The following TENM3 variants were observed in gnomAD, a reference collection of about 807,000 sequenced individuals.
The protein encoded by TENM3 is teneurin transmembrane protein 3.
TENM3 carries 63 observed loss-of-function variants against 255.1 expected under a neutral mutation model. The observed-to-expected ratio is 0.25, with a 90% confidence interval of 0.20 to 0.30. TENM3 has a LOEUF of 0.30. TENM3 is among the 10% of genes least tolerant of loss of function. The pLI, the probability that TENM3 is intolerant of heterozygous loss-of-function variation, is 1.00. For missense variants in TENM3, 2,929 were observed against 3,461.1 expected, an observed-to-expected ratio of 0.85 and a Z score of 3.86; for synonymous variants, 1,306 against 1,322.3, an observed-to-expected ratio of 0.99 and a Z score of 0.27.
the TENM3 span, among the ~76,000 whole-genome samples, chr4:181,641,512 C>T: frequency 1.6e-5 from 2 of 122,658 alleles, no homozygotes; most frequent in Admixed American, 9.5e-5. Context: ...AGGAAATGAA[C>T]TCATCCTTTT....
the TENM3 span, among the ~76,000 whole-genome samples, chr4:181,474,322 A>T: frequency 2.5e-4 from 38 of 152,206 alleles, no homozygotes; most frequent in Middle Eastern, 3.4e-3. Flanking sequence ...ATGATAAAAA[A>T]TTTTTTTTAA....
the TENM3 span, among the ~76,000 whole-genome samples, chr4:181,591,796 G>C: frequency 6.6e-6 from 1 of 152,156 alleles, no homozygotes; most frequent in Admixed American, 6.5e-5. Flanking sequence ...CCCTACTCCT[G>C]TCTGTGGAAA....
At chr4:181,834,308 A>T in the TENM3 span, among the ~76,000 whole-genome samples, 1 of 152,208 alleles carries the variant, frequency 6.6e-6, no homozygotes, top group Non-Finnish European at 1.5e-5. Context: ...CTAAAGAGAG[A>T]TGCCCAACTT....
At chr4:181,798,337 C>T in the TENM3 span, among the ~76,000 whole-genome samples, 4 of 151,840 alleles carry the variant, frequency 2.6e-5, no homozygotes, top group Non-Finnish European at 2.9e-5. Flanking sequence ...GAGATGGAGT[C>T]TTGCTCTGTC....
At chr4:182,272,019 A>G (rs1759666397) in intron 1 of TENM3, among the ~76,000 whole-genome samples, 1 of 152,210 alleles carries the variant, frequency 6.6e-6, no homozygotes, top group African/African-American at 2.4e-5. Flanking sequence ...GTTTGTCTCC[A>G]CACAGCTCTC....
chr4:182,403,053 G>A (rs928095475), intron 3 of TENM3, among the ~76,000 whole-genome samples: 1 of 152,100 alleles, frequency 6.6e-6, no homozygotes. Context: ...TCTTGCTTTG[G>A]TCACATAGCA....
the TENM3 span, among the ~76,000 whole-genome samples, chr4:181,534,466 T>TCCC: frequency 8.2e-4 from 82 of 100,122 alleles, no homozygotes; most frequent in African/African-American, 3.6e-3. Flanking sequence ...CCTGAGGTCT[T>TCCC]CCCCCCCCCC....
chr4:181,688,624 G>A, the TENM3 span, among the ~76,000 whole-genome samples: 4 of 152,058 alleles, frequency 2.6e-5, no homozygotes, highest in Non-Finnish European at 5.9e-5. Flanking sequence ...ATGTCACTGT[G>A]GTCCACTGAG....
intron 6 of TENM3, among the ~76,000 whole-genome samples, chr4:182,657,507 C>T (rs1753853843): frequency 6.6e-6 from 1 of 152,322 alleles, no homozygotes; most frequent in East Asian, 1.9e-4. Flanking sequence ...ATTCTCTCTT[C>T]AGAATGTCCT....
chr4:182,087,767 G>T, the TENM3 span, among the ~76,000 whole-genome samples: 3 of 152,134 alleles, frequency 2.0e-5, no homozygotes, highest in African/African-American at 7.2e-5. Context: ...CCTATTCAAT[G>T]GCATTTATTC....
the TENM3 span, among the ~76,000 whole-genome samples, chr4:181,842,670 G>T: frequency 6.6e-6 from 1 of 152,124 alleles, no homozygotes; most frequent in Non-Finnish European, 1.5e-5. Context: ...AATTGTTTAT[G>T]GTAGACCAAG....
chr4:182,156,202 AAC>A (rs1274347060), intron 1 of TENM3, among the ~76,000 whole-genome samples: 5 of 152,174 alleles, frequency 3.3e-5, no homozygotes. Flanking sequence ...CAAATGTTAA[AAC>A]ACAACAATTT....
At chr4:182,614,045 C>G (rs1455017886) in intron 4 of TENM3, among the ~76,000 whole-genome samples, 1 of 152,198 alleles carries the variant, frequency 6.6e-6, no homozygotes, top group Non-Finnish European at 1.5e-5. Flanking sequence ...TTATCAGTCT[C>G]ACTAACTCAC....
chr4:181,542,822 TAG>T, the TENM3 span, among the ~76,000 whole-genome samples: 2 of 152,178 alleles, frequency 1.3e-5, no homozygotes, highest in African/African-American at 4.8e-5. Flanking sequence ...CTCCGCATGT[TAG>T]AGTTGGGGTG....
At chr4:182,715,263 C>A (rs932172322) in intron 13 of TENM3, among the ~76,000 whole-genome samples, 1 of 152,190 alleles carries the variant, frequency 6.6e-6, no homozygotes, top group Non-Finnish European at 1.5e-5. Flanking sequence ...TGGACACTTG[C>A]CACGTGTGTT....
chr4:182,107,242 A>T, the TENM3 span, among the ~76,000 whole-genome samples: 1 of 152,062 alleles, frequency 6.6e-6, no homozygotes, highest in East Asian at 1.9e-4. Flanking sequence ...AAAACCCAGC[A>T]TTCATGATGA....
chr4:182,412,222 C>T (rs995854906), intron 3 of TENM3, among the ~76,000 whole-genome samples: 2 of 152,098 alleles, frequency 1.3e-5, no homozygotes, highest in African/African-American at 2.4e-5. Context: ...TACTTCCAGA[C>T]TTGGAGACTG....
At chr4:182,637,466 A>G (rs1459882062) in intron 5 of TENM3, among the ~76,000 whole-genome samples, 1 of 152,186 alleles carries the variant, frequency 6.6e-6, no homozygotes, top group East Asian at 1.9e-4. Flanking sequence ...TGAGGCTGTA[A>G]TGCCTGATGA....
At chr4:181,840,730 G>A in the TENM3 span, among the ~76,000 whole-genome samples, 1 of 151,962 alleles carries the variant, frequency 6.6e-6, no homozygotes, top group Non-Finnish European at 1.5e-5. Flanking sequence ...GACAGGAAAG[G>A]TTCTCCTATT....
Sources: allele counts gnomAD v4.1 joint callset (sites outside exome capture counted in the v4.1 genomes callset), GRCh38; gene constraint gnomAD v4.1.1; transcripts MANE v1.5; gene names NCBI Gene and HGNC (gene_info 2026-07-23, HGNC 2026-07-21).